Variants in CRTC1 observed in about 807,000 individuals in gnomAD.
CRTC1 encodes CREB-regulated transcription coactivator 1.
In CRTC1, 18 loss-of-function variants were observed where a neutral mutation model predicts 66.1. The observed-to-expected ratio is 0.27, with a 90% CI of 0.19 to 0.40. The LOEUF is 0.40. CRTC1 is among the 10% of genes least tolerant of loss of function. The probability of loss-of-function intolerance (pLI) is 1.00; values close to 1 mark genes in which losing one functional copy is unlikely to be tolerated. For missense variants in CRTC1, 669 were observed against 887.9 expected, an observed-to-expected ratio of 0.75 and a Z score of 3.13; for synonymous variants, 416 against 398.8, an observed-to-expected ratio of 1.04 and a Z score of -0.51.
intron 1 of CRTC1, among the ~76,000 whole-genome samples, chr19:18,691,817 G>C (rs745512191): frequency 1.1e-4 from 17 of 151,922 alleles, no homozygotes; most frequent in Non-Finnish European, 2.4e-4. Context: ...GTGTTCAAGC[G>C]ATCCTCCTGC....
At chr19:18,747,013 G>A (rs2054255121) in intron 3 of CRTC1, 40 bp from the exon 4 acceptor site, 3 of 1,594,504 alleles carry the variant, frequency 1.9e-6, no homozygotes, top group South Asian at 1.1e-5. Flanking sequence ...GTTGGAGGCG[G>A]GGTCTCAGCC....
At chr19:18,732,458 AAGGAAGGCATTCTGTCCAG>A (rs2053911790) in intron 1 of CRTC1, among the ~76,000 whole-genome samples, 1 of 152,248 alleles carries the variant, frequency 6.6e-6, no homozygotes, top group Non-Finnish European at 1.5e-5. Flanking sequence ...CAGCCTCCAG[AAGGAAGGCATTCTGTCCAG>A]AGGAAGACAT....
rs568861466 is a variant in CRTC1, at chr19:18,782,258, C to T, written c.*4876C>T. The T allele has an allele frequency of 1.3e-5, 3 of 224,414 alleles. No homozygotes were observed. In the South Asian group the frequency reaches 5.3e-4, roughly 40 times the overall value. 13.9% of individuals were successfully genotyped at this position (224,414 alleles called of 1,614,324 possible). A position where few individuals can be genotyped will look rare whatever the true frequency, so the allele number is the denominator to read the frequency against. On this transcript the variant is annotated 3_prime_UTR_variant, in exon 14 of 14. Coordinates refer to ENST00000321949, the MANE Select transcript of CRTC1 (RefSeq NM_015321.3). ...CACTCGGCCGTCCCTGCCCCATCCT[C>T]TGGCAGGGCTGCTTTTGTCTTTGTA...
rs538606879 is a variant in CRTC1, at chr19:18,757,735, G to A, written c.625-1816G>A. ...AAAAAAAATTAAAAAATAAAAATTAGGCTGGGTGCAGTGGCTCACGCCTGT... is the reference window on the plus strand; with the variant it reads ...AAAAAAAATTAAAAAATAAAAATTAAGCTGGGTGCAGTGGCTCACGCCTGT... On this transcript the variant is annotated intron_variant, in intron 6 of 13. Transcript: ENST00000321949. 1.4e-3 allele frequency among the ~76,000 whole-genome samples: 217 copies of A among 152,254 alleles called. 2 individuals carry two copies. The highest frequency in any genetic ancestry group is 2.1e-3 in the Non-Finnish European group (141 of 68,018).
At chr19:18,770,674 C>T (rs967327824) in intron 10 of CRTC1, among the ~76,000 whole-genome samples, 23 of 150,252 alleles carry the variant, frequency 1.5e-4, no homozygotes, top group Admixed American at 2.0e-4. Context: ...TGTGTGCATG[C>T]GTGGGTATGT....
chr19:18,746,969 G>GC lies in CRTC1; in HGVS notation c.382-82dup, dbSNP rs143381386. The GC allele has an allele frequency of 4.4e-4, 606 of 1,371,802 alleles. 7 individuals are homozygous for GC. In the East Asian group the frequency reaches 9.5e-3, roughly 22 times the overall value. The allele number at this position is 1,371,802 out of a possible 1,614,324, so 85.0% of individuals were successfully genotyped here. ...GCCTCAGGCCGACCCCAGCCAGCCAGCCGGGGCTTCCTGCCCTGGGCTGAG... is the reference window on the plus strand; with the variant it reads ...GCCTCAGGCCGACCCCAGCCAGCCAGCCCGGGGCTTCCTGCCCTGGGCTGAG... On this transcript the variant is annotated intron_variant, in intron 3 of 13. Transcript: ENST00000321949.
chr19:18,776,041 G>T (rs529627393), intron 13 of CRTC1, among the ~76,000 whole-genome samples: 1 of 152,160 alleles, frequency 6.6e-6, no homozygotes, highest in Non-Finnish European at 1.5e-5. Flanking sequence ...TGGACCAGAC[G>T]TCCCGTGCAT....
In CRTC1 at chr19:18,760,073, G is replaced by C. The variant is rs1452374388; in HGVS notation, c.731G>C (p.Gly244Ala). ...ATCCCCGCCACCCACAACACAGGGG[G>C]GTCCCTGCCCGACCTGACCAACATC... ...ALIPATHNTG[G>A]SLPDLTNIHF... The change falls in exon 8 of 14, where the codon GGG (glycine) becomes GCG (alanine). Residue 244 changes from glycine (G) to alanine (A), a missense_variant. Transcript: ENST00000321949. This position sits in a 1 kb window ranked among gnomAD's most constrained non-coding sequence, Gnocchi z 6.2. The C allele has an allele frequency of 6.2e-7, 1 of 1,612,966 alleles. No homozygotes were observed. The highest frequency in any genetic ancestry group is 1.3e-5 in the African/African-American group (1 of 74,642).
chr19:18,724,906 G>A (rs1321461483), intron 1 of CRTC1, among the ~76,000 whole-genome samples: 2 of 151,704 alleles, frequency 1.3e-5, no homozygotes, highest in South Asian at 4.1e-4. Context: ...TGCATCGAGC[G>A]CTTGGGATCT....
In CRTC1 at chr19:18,778,626, G is replaced by A; in HGVS notation, c.*1244G>A. 1.3e-5 allele frequency: 3 copies of A among 230,906 alleles called. No individual in the cohort carries two copies. Among genetic ancestry groups the A allele is most frequent in the Non-Finnish European group, 2.6e-5 (3 of 116,568 alleles). The allele number at this position is 230,906 out of a possible 1,614,324, so 14.3% of individuals were successfully genotyped here. On this transcript the variant is annotated 3_prime_UTR_variant, in exon 14 of 14. Transcript: ENST00000321949. ...GGGAAGGGGCCTTGGCTTTTATTGAGGGTCTCTCAAAGACCCAGCCTGCCA... is the reference window on the plus strand; with the variant it reads ...GGGAAGGGGCCTTGGCTTTTATTGAAGGTCTCTCAAAGACCCAGCCTGCCA...
At position 18,765,572 on chromosome 19, in the gene CRTC1, A is replaced by G. The variant is rs751245251; in HGVS notation, c.1011+44A>G. On this transcript the variant is annotated intron_variant, in intron 9 of 13. Transcript: ENST00000321949. ...GGGCAGGTGGGAGGGGGAAAGGGAA[A>G]GGTGGAGGCCTGGCTCTACCTCTTA... 3.8e-6 allele frequency: 6 copies of G among 1,573,442 alleles called. No individual in the cohort carries two copies. In the African/African-American group the frequency reaches 5.4e-5, roughly 14 times the overall value.
At chr19:18,747,161 A>G (rs1018427073) in intron 4 of CRTC1, 47 bp downstream of exon 4, 3 of 1,216,728 alleles carry the variant, frequency 2.5e-6, no homozygotes, top group African/African-American at 3.6e-5. Context: ...GTTGGAAACA[A>G]AACCAAACTC....
rs1055325326 is a variant in CRTC1 at position 18,737,276 on chromosome 19, T to C, written c.127-5634T>C. Among the ~76,000 whole-genome samples, 4 of 133,642 alleles carry C rather than the reference T, an allele frequency of 3.0e-5. No individual in the cohort carries two copies. The Admixed American group carries it at 3.1e-4, about 10-fold the overall frequency. The allele number at this position is 133,642 out of a possible 152,430, so 87.7% of individuals were successfully genotyped here. On this transcript the variant is annotated intron_variant, in intron 1 of 13. Transcript: ENST00000321949. ...GGTCAGGTGGGGGGGTAGGACTTTG[T>C]GTGAGGGGGTCCCGGCGCAGGCTGT...
chr19:18,689,354 C>T (rs2052766411), intron 1 of CRTC1, among the ~76,000 whole-genome samples: 1 of 150,352 alleles, frequency 6.7e-6, no homozygotes, highest in African/African-American at 2.5e-5. Flanking sequence ...TTTGTGTCTG[C>T]CTTCTTTTAC....
chr19:18,728,239 GT>G (rs1321850818), intron 1 of CRTC1, among the ~76,000 whole-genome samples: 7 of 152,168 alleles, frequency 4.6e-5, no homozygotes, highest in African/African-American at 1.7e-4. Flanking sequence ...TTGGGAGAAT[GT>G]CCCGTCCCGG....
Position 18,699,270 on chromosome 19 carries a change from A to G in CRTC1, c.126+15442A>G, listed in dbSNP as rs1428696540. Among the ~76,000 whole-genome samples the G allele has an allele frequency of 3.9e-5, 6 of 152,170 alleles. No individual in the cohort carries two copies. The South Asian group carries it at 1.0e-3, about 26-fold the overall frequency. ...GGGAGGGGTGTGCGGGGTCTTCTCA[A>G]TACCTCCATCTGGGAACATGTACCG... is the stretch of plus-strand genomic sequence containing the variant. On this transcript the variant is annotated intron_variant, in intron 1 of 13. Transcript: ENST00000321949.
chr19:18,756,181 A>T (rs1456605573), intron 6 of CRTC1, among the ~76,000 whole-genome samples: 1 of 151,970 alleles, frequency 6.6e-6, no homozygotes. Flanking sequence ...TAAATACAAA[A>T]AATTAGCCAG....
rs140631118 is a variant in CRTC1 at position 18,719,076 on chromosome 19, G to C, written c.127-23834G>C. Among the ~76,000 whole-genome samples the C allele has an allele frequency of 5.8e-3, 884 of 152,300 alleles. 17 individuals are homozygous for C. The highest frequency in any genetic ancestry group is 0.02 in the African/African-American group (836 of 41,558). On this transcript the variant is annotated intron_variant, in intron 1 of 13. Transcript: ENST00000321949. The stretch of plus-strand genomic sequence containing the variant: ...GGCTAGTACCAGGGAGGGGGCTGAC[G>C]ATGGGCCCTGGAAGTCGAGCTGCTG...
chr19:18,735,367 T>C (rs1293447650), intron 1 of CRTC1, among the ~76,000 whole-genome samples: 1 of 152,130 alleles, frequency 6.6e-6, no homozygotes, highest in African/African-American at 2.4e-5. Context: ...GGTGTTCACC[T>C]CCTTTGTTCT....
Sources: gnomAD v4.1 joint callset for allele counts (sites outside exome capture counted in the v4.1 genomes callset) on GRCh38, gnomAD v4.1.1 for gene constraint, Gnocchi (gnomAD v3.1) non-coding constraint, MANE v1.5 for transcripts, NCBI Gene and HGNC (gene_info 2026-07-23, HGNC 2026-07-21) for gene names.